Variants in RERE observed in about 807,000 individuals in gnomAD.
RERE encodes the protein arginine-glutamic acid dipeptide repeats protein.
RERE carries 40 observed loss-of-function variants against 146.1 expected under a neutral mutation model. The ratio of observed to expected loss-of-function variants is 0.27; its 90% CI spans 0.21 to 0.36. RERE has a LOEUF of 0.36. RERE is among the 10% of genes least tolerant of loss of function. The probability of loss-of-function intolerance (pLI) is 1.00; values close to 1 mark genes in which losing one functional copy is unlikely to be tolerated. For synonymous variants in RERE, 1,003 were observed against 866.0 expected (o/e 1.16, Z -2.78); for missense variants, 1,933 against 2,138.7 (o/e 0.90, Z 1.90).
Position 8,361,190 on chromosome 1 carries a change from C to T in RERE, c.2317G>A (p.Val773Ile). The T allele has an allele frequency of 6.8e-7, 1 of 1,477,626 alleles. No individual in the cohort carries two copies. The highest frequency in any genetic ancestry group is 8.9e-7 in the Non-Finnish European group (1 of 1,120,576). The allele number at this position is 1,477,626 out of a possible 1,614,324, so 91.5% of individuals were successfully genotyped here. The change falls in exon 18 of 23, where the codon GTT becomes ATT. Residue 773 changes from valine (V) to isoleucine (I), a missense_variant. By Grantham distance (29) the Val-to-Ile change is conservative. Around this residue, in one of 11 missense-constraint regions of RERE, gnomAD observed 1,255 missense variants for 1,153.8 expected, o/e 1.09. Transcript: ENST00000400908. The part of the protein sequence containing the change: ...TPGPTPSATA[V>I]PPQGSPTASQ... ...GCCGTGGGGGAGCCCTGTGGGGGAA[C>T]TGCAGTGGCAGAGGGCGTGGGCCCT...
intron 12 of RERE, among the ~76,000 whole-genome samples, chr1:8,373,832 C>T (rs1570080425): frequency 1.3e-5 from 2 of 152,276 alleles, no homozygotes; most frequent in African/African-American, 2.4e-5. Context: ...GAACCAGCAG[C>T]GATATTCAGG....
chr1:8,696,298 C>A (rs1024101450), intron 1 of RERE, among the ~76,000 whole-genome samples: 3 of 152,172 alleles, frequency 2.0e-5, no homozygotes, highest in African/African-American at 7.2e-5. Context: ...TAGGAACCCA[C>A]CAATGATGGA....
chr1:8,556,936 A>C (rs140440640), intron 5 of RERE, among the ~76,000 whole-genome samples: 65 of 152,296 alleles, frequency 4.3e-4, no homozygotes, highest in African/African-American at 1.5e-3. Flanking sequence ...AAATATTACA[A>C]AATGGAGTGA....
intron 12 of RERE, among the ~76,000 whole-genome samples, chr1:8,421,382 T>C (rs1643907036): frequency 6.6e-6 from 1 of 152,360 alleles, no homozygotes; most frequent in Non-Finnish European, 1.5e-5. Context: ...CTCTACCCTG[T>C]TCTGGGAAGG....
chr1:8,448,166 C>T (rs529289270), intron 11 of RERE, among the ~76,000 whole-genome samples: 1 of 152,186 alleles, frequency 6.6e-6, no homozygotes, highest in Non-Finnish European at 1.5e-5. Context: ...CTGCACACGA[C>T]AGGCATTTAA....
At chr1:8,647,395 A>C (rs1260521297) in intron 2 of RERE, among the ~76,000 whole-genome samples, 6 of 152,202 alleles carry the variant, frequency 3.9e-5, no homozygotes, top group Admixed American at 6.5e-5. Flanking sequence ...TAATAGGTCT[A>C]ATAAGTGCAA....
At chr1:8,550,691 C>A (rs150985024) in intron 6 of RERE, among the ~76,000 whole-genome samples, 4 of 152,142 alleles carry the variant, frequency 2.6e-5, no homozygotes, top group Non-Finnish European at 5.9e-5. Context: ...GGACTACAGG[C>A]ACCAGCCACC....
chr1:8,509,446 G>A (rs1257553126), intron 7 of RERE, among the ~76,000 whole-genome samples: 4 of 149,782 alleles, frequency 2.7e-5, no homozygotes, highest in African/African-American at 5.0e-5. Flanking sequence ...CCGTCCGTCC[G>A]TCCGTCCATC....
chr1:8,498,750 C>T (rs1427286352), intron 8 of RERE, among the ~76,000 whole-genome samples: 5 of 149,054 alleles, frequency 3.4e-5, no homozygotes, highest in African/African-American at 5.0e-5. Flanking sequence ...CACACACACA[C>T]ACACACACAC....
intron 4 of RERE, among the ~76,000 whole-genome samples, chr1:8,583,057 T>C (rs757642788): frequency 6.6e-6 from 1 of 152,192 alleles, no homozygotes; most frequent in African/African-American, 2.4e-5. Flanking sequence ...TTCTCCCTCA[T>C]GGTTTATACA....
chr1:8,555,678 T>C (rs1489733596), intron 6 of RERE, among the ~76,000 whole-genome samples: 3 of 152,244 alleles, frequency 2.0e-5, no homozygotes, highest in Non-Finnish European at 4.4e-5. Flanking sequence ...ATCAGTAGTC[T>C]TACTTCCTAT....
chr1:8,605,756 A>AAAAAAAAAAAAAC (rs1646697282), intron 4 of RERE, among the ~76,000 whole-genome samples: 1 of 148,500 alleles, frequency 6.7e-6, no homozygotes, highest in Admixed American at 6.7e-5. Flanking sequence ...AAAAAAAAAA[A>AAAAAAAAAAAAAC]AAAAAAAAAA....
intron 4 of RERE, among the ~76,000 whole-genome samples, chr1:8,583,560 A>G (rs1304522434): frequency 6.6e-6 from 1 of 152,228 alleles, no homozygotes; most frequent in African/African-American, 2.4e-5. Context: ...AAGGGGCTGA[A>G]GTCATCTAGA....
chr1:8,436,056 C>T (rs185059069), intron 11 of RERE, among the ~76,000 whole-genome samples: 86 of 152,368 alleles, frequency 5.6e-4, no homozygotes, highest in African/African-American at 1.7e-3. Flanking sequence ...TGCACTGGCT[C>T]ATGCCTGTAA....
chr1:8,775,680 T>C (rs1641050548), intron 1 of RERE, among the ~76,000 whole-genome samples: 1 of 152,242 alleles, frequency 6.6e-6, no homozygotes, highest in Non-Finnish European at 1.5e-5. Context: ...GGTGGTTATT[T>C]CATGTTTTCT....
chr1:8,625,145 T>G (rs1432857938), intron 2 of RERE, among the ~76,000 whole-genome samples: 1 of 150,506 alleles, frequency 6.6e-6, no homozygotes, highest in Non-Finnish European at 1.5e-5. Flanking sequence ...TGTTTGTTTG[T>G]TTTGTTTTGT....
intron 4 of RERE, among the ~76,000 whole-genome samples, chr1:8,601,752 CACACACACACACACACACACACACAA>C: frequency 6.9e-6 from 1 of 145,368 alleles, no homozygotes; most frequent in South Asian, 2.1e-4. Flanking sequence ...CACACACACA[CACACACACACACACACACACACACAA>C]ACACACACAC....
At chr1:8,394,162 T>C (rs1428010543) in intron 12 of RERE, among the ~76,000 whole-genome samples, 1 of 152,220 alleles carries the variant, frequency 6.6e-6, no homozygotes, top group African/African-American at 2.4e-5. Flanking sequence ...CAATTTCTAA[T>C]GCAGGTGGCT....
chr1:8,730,075 A>T (rs1640050296), intron 1 of RERE, among the ~76,000 whole-genome samples: 1 of 152,250 alleles, frequency 6.6e-6, no homozygotes, highest in South Asian at 2.1e-4. Flanking sequence ...AATAGCTATG[A>T]TAATGTGTAT....
Sources: allele counts gnomAD v4.1 joint callset (sites outside exome capture counted in the v4.1 genomes callset), GRCh38; gene constraint gnomAD v4.1.1; regional missense constraint gnomAD v4.1.1; transcripts MANE v1.5; gene names NCBI Gene and HGNC (gene_info 2026-07-23, HGNC 2026-07-21).